NUGGC: variants seen among roughly 807,000 people sequenced by gnomAD.
NUGGC encodes nuclear GTPase SLIP-GC.
Under a neutral mutation model 92.6 loss-of-function variants are expected in NUGGC, and 58 were observed. The ratio of observed to expected loss-of-function variants is 0.63; its 90% CI spans 0.51 to 0.78. The LOEUF (loss-of-function observed/expected upper bound fraction) is 0.78, where lower values mean the gene tolerates loss of function less well. Among genes scored for constraint, NUGGC ranks in the 30% least tolerant of loss-of-function variants. The pLI is 0.00. For synonymous variants in NUGGC, 376 were observed against 366.4 expected (o/e 1.03, Z -0.30); for missense variants, 925 against 964.6 (o/e 0.96, Z 0.54).
chr8:28,073,178 C>CTTTTTTTTT (rs34656742), intron 2 of NUGGC, among the ~76,000 whole-genome samples: 1 of 132,832 alleles, frequency 7.5e-6, no homozygotes, highest in Non-Finnish European at 1.6e-5. Context: ...ATTTTTTTTT[C>CTTTTTTTTT]TTTTTTTTTT....
Position 28,069,615 on chromosome 8 carries a change from G to GCTCAAAAC in NUGGC, c.178_185dup (p.Ser62ArgfsTer3). The GCTCAAAAC allele has an allele frequency of 1.9e-6, 3 of 1,611,486 alleles. No homozygotes were observed. Among genetic ancestry groups the GCTCAAAAC allele is most frequent in the Non-Finnish European group, 2.5e-6 (3 of 1,177,674 alleles). Reference sequence around the variant, plus strand: ...ACTGAATAAGTTTCTGATAAGTGTTGCTCAAAACCCTTCTGGTCCGTGATT... The same window carrying GCTCAAAAC: ...ACTGAATAAGTTTCTGATAAGTGTTGCTCAAAACCTCAAAACCCTTCTGGTCCGTGATT... On this transcript the variant is annotated stop_gained and frameshift_variant, in exon 4 of 19. Transcript: ENST00000413272. LOFTEE classifies it high-confidence loss of function.
intron 14 of NUGGC, among the ~76,000 whole-genome samples, chr8:28,032,213 G>A (rs1034104624): frequency 1.3e-5 from 2 of 152,174 alleles, no homozygotes; most frequent in African/African-American, 2.4e-5. Context: ...TAAACAGGGC[G>A]GGGGTGCAAT....
chr8:28,026,259 C>T (rs938759258), intron 18 of NUGGC, among the ~76,000 whole-genome samples: 1 of 152,306 alleles, frequency 6.6e-6, no homozygotes, highest in African/African-American at 2.4e-5. Flanking sequence ...GCCACCCTCC[C>T]CCCATATAAG....
intron 5 of NUGGC, 22 bp downstream of exon 5, chr8:28,068,194 G>C: frequency 7.2e-7 from 1 of 1,394,770 alleles, no homozygotes; most frequent in Non-Finnish European, 9.9e-7. Flanking sequence ...GGGAAGGAAG[G>C]AGGGAGGAAG....
chr8:28,031,504 T>C, intron 14 of NUGGC, 123 bp from the exon 15 acceptor site: 1 of 946,812 alleles, frequency 1.1e-6, no homozygotes, highest in East Asian at 2.5e-5. Context: ...CTAACAGTTA[T>C]CAAATCCCTA....
chr8:28,036,956 T>C (rs1809568883), intron 13 of NUGGC, among the ~76,000 whole-genome samples: 1 of 152,182 alleles, frequency 6.6e-6, no homozygotes, highest in Admixed American at 6.5e-5. Flanking sequence ...ATGAGGTGCA[T>C]TAGAGGATCA....
chr8:28,082,216 C>G (rs561134626), intron 1 of NUGGC, among the ~76,000 whole-genome samples: 9 of 152,292 alleles, frequency 5.9e-5, no homozygotes, highest in African/African-American at 1.9e-4. Context: ...AACACATCGG[C>G]TAATGTGTTC....
rs1809688386 is a variant in NUGGC at position 28,041,149 on chromosome 8, C to T, written c.1513G>A (p.Ala505Thr). 1 of 1,610,716 alleles carries T rather than the reference C, an allele frequency of 6.2e-7. No homozygotes were observed. The highest frequency in any genetic ancestry group is 1.3e-5 in the African/African-American group (1 of 74,884). The change falls in exon 13 of 19, where the codon GCC (alanine) becomes ACC (threonine). Residue 505 changes from alanine to threonine, a missense_variant. Coordinates refer to ENST00000413272, the MANE Select transcript of NUGGC (RefSeq NM_001010906.2). ...AEEKVELLEKAIAQCFACMEQ... is the reference protein window; with the variant it reads ...AEEKVELLEKTIAQCFACMEQ... The stretch of plus-strand genomic sequence containing the variant: ...ATGCAGGCGAAGCACTGTGCGATGG[C>T]CTTCTCCAGCAGCTCAACCTTCTCT...
chr8:28,069,337 T>TATA (rs1461536538), intron 4 of NUGGC, among the ~76,000 whole-genome samples: 18 of 152,284 alleles, frequency 1.2e-4, no homozygotes, highest in African/African-American at 4.3e-4. Context: ...ATGGGTTAAA[T>TATA]GATATTTGAC....
intron 7 of NUGGC, among the ~76,000 whole-genome samples, chr8:28,063,092 T>C (rs73669176): frequency 6.6e-6 from 1 of 152,168 alleles, no homozygotes; most frequent in African/African-American, 2.4e-5. Flanking sequence ...TCTGAATTCA[T>C]AACGGGTTTT....
Position 28,023,210 on chromosome 8 carries a change from C to T in NUGGC, c.*107G>A. ...CTGTGATGGTGCCACTGCACTCCAGCCTGGGCAACAGAGGTAGATAGATCT... is the reference window on the plus strand; with the variant it reads ...CTGTGATGGTGCCACTGCACTCCAGTCTGGGCAACAGAGGTAGATAGATCT... On this transcript the variant is annotated 3_prime_UTR_variant, in exon 19 of 19. Transcript: ENST00000413272. 2 of 1,292,062 alleles carry T rather than the reference C, an allele frequency of 1.5e-6. No individual in the cohort carries two copies. The highest frequency in any genetic ancestry group is 2.1e-6 in the Non-Finnish European group (2 of 951,746). The allele number at this position is 1,292,062 out of a possible 1,614,324, so 80.0% of individuals were successfully genotyped here.
rs762937815 is a variant in NUGGC at position 28,033,566 on chromosome 8, G to A, written c.1743C>T (p.Ile581=). The A allele has an allele frequency of 7.4e-6, 12 of 1,613,666 alleles. No homozygotes were observed. Among genetic ancestry groups the A allele is most frequent in the Admixed American group, 3.3e-5 (2 of 59,988 alleles). The change falls in exon 14 of 19, where the codon ATC becomes ATT. Residue 581 remains isoleucine, a synonymous_variant. Transcript: ENST00000413272. ...TAAAAATGCTTCCAAAAACAGGGTCGATCTGGTCATAGACGGGCTGAGTGA... is the reference window on the plus strand; with the variant it reads ...TAAAAATGCTTCCAAAAACAGGGTCAATCTGGTCATAGACGGGCTGAGTGA... ...EALTQPVYDQ[I]DPVFGSIFRT...
At chr8:28,028,893 C>T (rs911739961) in intron 17 of NUGGC, among the ~76,000 whole-genome samples, 8 of 152,162 alleles carry the variant, frequency 5.3e-5, no homozygotes, top group African/African-American at 1.9e-4. Context: ...ACAGGCTTCC[C>T]AATCCCAAAT....
chr8:28,030,467 AAGC>A, intron 15 of NUGGC, 49 bp from the exon 16 acceptor site: 1 of 1,005,934 alleles, frequency 9.9e-7, no homozygotes, highest in Non-Finnish European at 1.5e-6. Flanking sequence ...CCTTCAATGG[AAGC>A]AGGTCAGGTG....
intron 1 of NUGGC, among the ~76,000 whole-genome samples, chr8:28,075,994 G>C: frequency 6.6e-6 from 1 of 152,250 alleles, no homozygotes; most frequent in Non-Finnish European, 1.5e-5. Flanking sequence ...TCCTGCTCTT[G>C]CTTCAAAATC....
intron 7 of NUGGC, among the ~76,000 whole-genome samples, chr8:28,062,410 G>A (rs981669745): frequency 1.3e-5 from 2 of 151,822 alleles, no homozygotes; most frequent in African/African-American, 4.8e-5. Context: ...CTTGAGCTCA[G>A]GAGTTCACCA....
chr8:28,026,339 G>A lies in NUGGC; in HGVS notation c.2245+623C>T, dbSNP rs116389137. On this transcript the variant is annotated intron_variant, in intron 18 of 18. Transcript: ENST00000413272. ...TTTGGCTAGAAATTACTTAATTGCT[G>A]TTTGTACCAGGTTACCCTCTCCAGT... Among the ~76,000 whole-genome samples, 799 of 152,320 alleles carry A rather than the reference G, an allele frequency of 5.2e-3. 12 individuals are homozygous for A. Among genetic ancestry groups the A allele is most frequent in the African/African-American group, 0.018 (755 of 41,570 alleles).
rs1253691685 is a variant in NUGGC at position 28,045,378 on chromosome 8, A to T, written c.1446+149T>A. The T allele has an allele frequency of 5.8e-6, 4 of 688,110 alleles. No homozygotes were observed. The African/African-American group carries it at 7.3e-5, about 13-fold the overall frequency. 42.6% of individuals were successfully genotyped at this position (688,110 alleles called of 1,614,324 possible). A position where few individuals can be genotyped will look rare whatever the true frequency, so the allele number is the denominator to read the frequency against. On this transcript the variant is annotated intron_variant, in intron 12 of 18. Coordinates refer to ENST00000413272, the MANE Select transcript of NUGGC (RefSeq NM_001010906.2). ...CAAATGTTATGATTTTAACCCTCTA[A>T]TTATCTTTTTGTCCTTTTAGACTCA...
intron 8 of NUGGC, among the ~76,000 whole-genome samples, chr8:28,058,729 G>A (rs972306988): frequency 1.1e-4 from 17 of 150,212 alleles, no homozygotes; most frequent in African/African-American, 3.2e-4. Flanking sequence ...TTGAGACGGA[G>A]TCTCACTCTG....
Sources: gnomAD v4.1 joint callset for allele counts (sites outside exome capture counted in the v4.1 genomes callset) on GRCh38, gnomAD v4.1.1 for gene constraint, MANE v1.5 for transcripts, NCBI Gene and HGNC (gene_info 2026-07-23, HGNC 2026-07-21) for gene names.